NRXN3: variants seen among roughly 807,000 people sequenced by gnomAD.
NRXN3 encodes the protein neurexin 3.
A neutral mutation model predicts 137.6 loss-of-function variants in NRXN3; 32 were observed. The observed-to-expected ratio is 0.23, with a 90% CI of 0.18 to 0.31. NRXN3 has a LOEUF of 0.31. Ranked by LOEUF, NRXN3 falls within the 10% of genes least tolerant of loss-of-function variation. NRXN3 has a pLI of 1.00. For synonymous variants in NRXN3, 798 were observed against 784.5 expected, an observed-to-expected ratio of 1.02 and a Z score of -0.29; for missense variants, 1,574 against 2,062.5, an observed-to-expected ratio of 0.76 and a Z score of 4.59.
intron 15 of NRXN3, among the ~76,000 whole-genome samples, chr14:79,009,083 C>G (rs1407845209): frequency 6.6e-6 from 1 of 152,136 alleles, no homozygotes; most frequent in South Asian, 2.1e-4. Context: ...CCTCATTAGA[C>G]CTTCCAGCTT....
At chr14:78,831,787 T>C (rs1287254128) in intron 10 of NRXN3, among the ~76,000 whole-genome samples, 5 of 152,134 alleles carry the variant, frequency 3.3e-5, no homozygotes, top group Non-Finnish European at 7.4e-5. Context: ...TTTAAGTCGA[T>C]AAAATTGTTC....
intron 19 of NRXN3, among the ~76,000 whole-genome samples, chr14:79,767,225 G>A (rs1307369579): frequency 6.6e-6 from 1 of 152,052 alleles, no homozygotes; most frequent in East Asian, 1.9e-4. Flanking sequence ...AGCCCTACTG[G>A]GGCCCATTCT....
intron 15 of NRXN3, among the ~76,000 whole-genome samples, chr14:79,376,471 A>G (rs1233888407): frequency 6.6e-6 from 1 of 151,950 alleles, no homozygotes; most frequent in East Asian, 1.9e-4. Context: ...AACTGACTGC[A>G]TCTCTGATTC....
intron 15 of NRXN3, among the ~76,000 whole-genome samples, chr14:79,234,730 A>G (rs1313499559): frequency 6.6e-6 from 1 of 151,968 alleles, no homozygotes; most frequent in East Asian, 1.9e-4. Flanking sequence ...TTAGCAAATT[A>G]AATGTTCTGT....
chr14:79,259,607 C>CTA (rs1489745274), intron 15 of NRXN3, among the ~76,000 whole-genome samples: 2 of 143,768 alleles, frequency 1.4e-5, no homozygotes, highest in Non-Finnish European at 3.0e-5. Context: ...ATATATATAG[C>CTA]TATATATATG....
intron 6 of NRXN3, among the ~76,000 whole-genome samples, chr14:78,696,740 C>T (rs971551806): frequency 6.6e-6 from 1 of 152,022 alleles, no homozygotes; most frequent in African/African-American, 2.4e-5. Context: ...TTCTTTTATT[C>T]TCAAAGGTAT....
intron 15 of NRXN3, among the ~76,000 whole-genome samples, chr14:79,216,331 A>G (rs1166238277): frequency 3.3e-5 from 5 of 152,138 alleles, no homozygotes; most frequent in African/African-American, 1.2e-4. Flanking sequence ...TGGAAGCTGC[A>G]TTGCCTTTTC....
chr14:78,193,668 A>G (rs1566942930), intron 1 of NRXN3, among the ~76,000 whole-genome samples: 1 of 151,230 alleles, frequency 6.6e-6, no homozygotes, highest in Non-Finnish European at 1.5e-5. Context: ...AGGCTGAGGC[A>G]TGATAATTGC....
chr14:79,185,622 C>T (rs1013885818), intron 15 of NRXN3, among the ~76,000 whole-genome samples: 2 of 151,974 alleles, frequency 1.3e-5, no homozygotes, highest in Admixed American at 6.6e-5. Context: ...CCCGCCACCA[C>T]GCCCGGCTAA....
chr14:79,257,235 G>A (rs781631772), intron 15 of NRXN3, among the ~76,000 whole-genome samples: 4 of 151,798 alleles, frequency 2.6e-5, no homozygotes, highest in Non-Finnish European at 5.9e-5. Flanking sequence ...GCCAACCTCC[G>A]TTCATGCTGA....
At chr14:78,456,988 C>T (rs532251775) in intron 4 of NRXN3, among the ~76,000 whole-genome samples, 1 of 148,518 alleles carries the variant, frequency 6.7e-6, no homozygotes, top group South Asian at 2.2e-4. Flanking sequence ...TCCTCCTTCT[C>T]CTCTTCTTCT....
intron 8 of NRXN3, among the ~76,000 whole-genome samples, chr14:78,724,829 A>T (rs1274843500): frequency 6.6e-6 from 1 of 152,150 alleles, no homozygotes; most frequent in Non-Finnish European, 1.5e-5. Context: ...TTCATCACTT[A>T]TCCCATCTTA....
chr14:78,317,020 C>A (rs8004833), intron 4 of NRXN3, among the ~76,000 whole-genome samples: 12,560 of 152,128 alleles, frequency 0.083, 900 homozygotes, highest in East Asian at 0.29. Flanking sequence ...AACTGGCTCA[C>A]GTGATTAGGG....
chr14:78,985,780 G>A (rs2099501764), intron 14 of NRXN3, among the ~76,000 whole-genome samples: 1 of 152,184 alleles, frequency 6.6e-6, no homozygotes, highest in African/African-American at 2.4e-5. Context: ...GGACTTCTCA[G>A]AAGCTTTTAT....
intron 16 of NRXN3, among the ~76,000 whole-genome samples, chr14:79,583,204 G>A (rs2097733491): frequency 1.3e-5 from 2 of 152,178 alleles, no homozygotes; most frequent in African/African-American, 4.8e-5. Context: ...GCGTGAGACA[G>A]ATGCTTCTCT....
At chr14:79,181,105 G>A (rs1233523318) in intron 15 of NRXN3, among the ~76,000 whole-genome samples, 9 of 151,314 alleles carry the variant, frequency 5.9e-5, no homozygotes, top group Admixed American at 5.3e-4. Flanking sequence ...TAGGCATGAA[G>A]TGCCAAACTA....
chr14:78,628,059 C>A (rs2097484225), intron 4 of NRXN3, among the ~76,000 whole-genome samples: 1 of 150,268 alleles, frequency 6.7e-6, no homozygotes, highest in Non-Finnish European at 1.5e-5. Context: ...AATACCATAG[C>A]ATTGCAGAGT....
intron 6 of NRXN3, among the ~76,000 whole-genome samples, chr14:78,704,226 T>G (rs977313410): frequency 6.6e-6 from 1 of 152,212 alleles, no homozygotes; most frequent in Non-Finnish European, 1.5e-5. Flanking sequence ...CTCTCTCTTT[T>G]TCCAATCAAG....
chr14:79,388,050 T>C (rs1247493324), intron 15 of NRXN3, among the ~76,000 whole-genome samples: 1 of 151,762 alleles, frequency 6.6e-6, no homozygotes, highest in Non-Finnish European at 1.5e-5. Context: ...CATGTATACA[T>C]ATGTAACAAA....
Sources: allele counts gnomAD v4.1 joint callset (sites outside exome capture counted in the v4.1 genomes callset), GRCh38; gene constraint gnomAD v4.1.1; transcripts MANE v1.5; gene names NCBI Gene and HGNC (gene_info 2026-07-23, HGNC 2026-07-21).